Variants in DLGAP2 observed in about 807,000 individuals in gnomAD.
DLGAP2 encodes the protein DLG associated protein 2.
A neutral mutation model predicts 100.3 loss-of-function variants in DLGAP2; 26 were observed. The observed-to-expected ratio is 0.26, with a 90% CI of 0.19 to 0.36. The LOEUF (loss-of-function observed/expected upper bound fraction) is 0.36. DLGAP2 is among the 10% of genes least tolerant of loss of function. The probability of loss-of-function intolerance (pLI) is 1.00; values close to 1 mark genes in which losing one functional copy is unlikely to be tolerated. For missense variants in DLGAP2, 1,858 were observed against 1,453.2 expected (o/e 1.28, Z -4.53); for synonymous variants, 886 against 630.1 (o/e 1.41, Z -6.08).
At chr8:1,501,235 C>A in intron 3 of DLGAP2, 131 bp from the exon 4 acceptor site, 1 of 947,180 alleles carries the variant, frequency 1.1e-6, no homozygotes, top group Non-Finnish European at 1.6e-6. Flanking sequence ...TGAGCGGTGA[C>A]GTTTGAAGAA....
At chr8:1,413,040 C>T (rs1004490949) in intron 3 of DLGAP2, among the ~76,000 whole-genome samples, 8 of 152,168 alleles carry the variant, frequency 5.3e-5, no homozygotes, top group Admixed American at 3.9e-4. Context: ...GTCCCCTCCT[C>T]TGTGAAGAGG....
chr8:1,101,226 C>T (rs752907811), intron 2 of DLGAP2, among the ~76,000 whole-genome samples: 2 of 152,164 alleles, frequency 1.3e-5, no homozygotes, highest in Non-Finnish European at 2.9e-5. Context: ...CCGAATGGAA[C>T]TGGGAAAACA....
At chr8:1,509,313 G>A (rs1800071043) in intron 4 of DLGAP2, among the ~76,000 whole-genome samples, 1 of 134,422 alleles carries the variant, frequency 7.4e-6, no homozygotes, top group African/African-American at 2.9e-5. Flanking sequence ...CCTGGCAACA[G>A]AGCAAGACTC....
chr8:1,110,188 TGTG>T (rs1804904798), intron 2 of DLGAP2, among the ~76,000 whole-genome samples: 1 of 139,116 alleles, frequency 7.2e-6, no homozygotes, highest in South Asian at 2.3e-4. Context: ...TGCATGGGTC[TGTG>T]ACATGTGCTG....
intron 6 of DLGAP2, among the ~76,000 whole-genome samples, chr8:1,609,043 C>A (rs1484569555): frequency 2.1e-5 from 3 of 145,944 alleles, no homozygotes; most frequent in African/African-American, 7.5e-5. Flanking sequence ...CAGAGAACGC[C>A]ACAAAGATAC....
At chr8:1,251,000 G>T (rs551354736) in intron 2 of DLGAP2, among the ~76,000 whole-genome samples, 2 of 152,232 alleles carry the variant, frequency 1.3e-5, no homozygotes, top group East Asian at 1.9e-4. Flanking sequence ...AATATTTAGG[G>T]GTTGGCTTTC....
chr8:792,697 G>C (rs36067242), intron 1 of DLGAP2, among the ~76,000 whole-genome samples: 6 of 152,086 alleles, frequency 3.9e-5, no homozygotes, highest in Non-Finnish European at 8.8e-5. Context: ...AATAGGAATG[G>C]TGTTAGGTTT....
chr8:1,679,979 C>CAA (rs760100523), intron 12 of DLGAP2, among the ~76,000 whole-genome samples: 8,049 of 61,396 alleles, frequency 0.13, 897 homozygotes, highest in East Asian at 0.41. Flanking sequence ...GACTCTGTCT[C>CAA]AAAAAAAAAA....
chr8:1,493,148 C>G (rs192930903), intron 3 of DLGAP2, among the ~76,000 whole-genome samples: 1 of 152,216 alleles, frequency 6.6e-6, no homozygotes, highest in Non-Finnish European at 1.5e-5. Flanking sequence ...ATCCGTGTAG[C>G]AAGAACTCGG....
intron 3 of DLGAP2, among the ~76,000 whole-genome samples, chr8:1,428,243 A>C (rs949041057): frequency 6.6e-6 from 1 of 152,104 alleles, no homozygotes; most frequent in Admixed American, 6.5e-5. Context: ...TAGAAATATA[A>C]TTTTTTGAAA....
chr8:1,041,312 C>T (rs954528240), intron 2 of DLGAP2, among the ~76,000 whole-genome samples: 5 of 151,988 alleles, frequency 3.3e-5, no homozygotes, highest in Admixed American at 6.5e-5. Context: ...GATCGCCCCT[C>T]GCAGCTACTC....
chr8:1,249,890 C>CT (rs1380471256), intron 2 of DLGAP2, among the ~76,000 whole-genome samples: 15 of 151,790 alleles, frequency 9.9e-5, no homozygotes, highest in East Asian at 1.9e-4. Context: ...ACTTTATTTT[C>CT]TTTTTTTTGA....
intron 3 of DLGAP2, among the ~76,000 whole-genome samples, chr8:1,363,763 G>C (rs1040680239): frequency 6.6e-6 from 1 of 152,236 alleles, no homozygotes. Context: ...ATGCATCCTT[G>C]CTGTGTGGGA....
rs538143665 is a variant in DLGAP2, at chr8:1,344,597, A to C, written c.106+85714A>C. On this transcript the variant is annotated intron_variant, in intron 3 of 14. Transcript: ENST00000637795. ...AATTCCTATGATAGACTAAGAGTGCATGTACCTCTGTGTTCAGGAAAACCC... is the reference window on the plus strand; with the variant it reads ...AATTCCTATGATAGACTAAGAGTGCCTGTACCTCTGTGTTCAGGAAAACCC... Among the ~76,000 whole-genome samples, 4 of 152,314 alleles carry C rather than the reference A, an allele frequency of 2.6e-5. No homozygotes were observed. In the East Asian group the frequency reaches 7.7e-4, roughly 29 times the overall value.
At chr8:1,420,680 T>C (rs980735038) in intron 3 of DLGAP2, among the ~76,000 whole-genome samples, 5 of 152,102 alleles carry the variant, frequency 3.3e-5, no homozygotes, top group Non-Finnish European at 5.9e-5. Context: ...CTCGCCAAAA[T>C]GCCCTCCACT....
chr8:1,630,594 C>G (rs1000037002), intron 7 of DLGAP2, among the ~76,000 whole-genome samples: 1 of 151,488 alleles, frequency 6.6e-6, no homozygotes, highest in East Asian at 1.9e-4. Flanking sequence ...CCCAGCTACT[C>G]GGGAGGCCGA....
chr8:869,733 C>G (rs374591672), intron 1 of DLGAP2, among the ~76,000 whole-genome samples: 1 of 152,108 alleles, frequency 6.6e-6, no homozygotes, highest in Non-Finnish European at 1.5e-5. Context: ...GGGAGAGAAC[C>G]CGTGATATTT....
In DLGAP2 at chr8:832,313, C is replaced by T. The variant is rs531911572; in HGVS notation, c.19-75599C>T. 5.9e-5 allele frequency among the ~76,000 whole-genome samples: 9 copies of T among 152,272 alleles called. No homozygotes were observed. The South Asian group carries it at 1.9e-3, about 32-fold the overall frequency. On this transcript the variant is annotated intron_variant, in intron 1 of 14. Coordinates refer to ENST00000637795, the MANE Select transcript of DLGAP2 (RefSeq NM_001346810.2). ...CATGCCTAAGTCCTGAATGGTACTG[C>T]CTAGGTTTTCTTCTAGGGTTTTTAT...
At chr8:1,685,360 A>C (rs1282514152) in intron 12 of DLGAP2, among the ~76,000 whole-genome samples, 1 of 152,230 alleles carries the variant, frequency 6.6e-6, no homozygotes, top group Non-Finnish European at 1.5e-5. Context: ...TGACGTTCTG[A>C]GCACAGCAGA....
Sources: allele counts gnomAD v4.1 joint callset (sites outside exome capture counted in the v4.1 genomes callset), GRCh38; gene constraint gnomAD v4.1.1; transcripts MANE v1.5; gene names NCBI Gene and HGNC (gene_info 2026-07-23, HGNC 2026-07-21).